Variants in GMPS observed in about 807,000 individuals in gnomAD.
The protein encoded by GMPS is GMP synthase [glutamine-hydrolyzing].
GMPS carries 15 observed loss-of-function variants against 77.9 expected under a neutral mutation model. The ratio of observed to expected loss-of-function variants is 0.19; its 90% CI spans 0.13 to 0.30. The LOEUF (loss-of-function observed/expected upper bound fraction) is 0.30, where lower values mean the gene tolerates loss of function less well. Ranked by LOEUF, GMPS falls within the 10% of genes least tolerant of loss-of-function variation. GMPS has a pLI of 1.00. For missense variants in GMPS, 590 were observed against 838.8 expected (o/e 0.70, Z 3.66); for synonymous variants, 224 against 275.9 (o/e 0.81, Z 1.86).
At chr3:155,910,264 AAAAC>A (rs369947150) in intron 5 of GMPS, among the ~76,000 whole-genome samples, 42 of 151,200 alleles carry the variant, frequency 2.8e-4, no homozygotes, top group African/African-American at 7.0e-4. Context: ...AACAAAACAA[AAAAC>A]AAACAAACAA....
intron 8 of GMPS, among the ~76,000 whole-genome samples, chr3:155,915,549 G>C (rs1755157901): frequency 6.6e-6 from 1 of 152,176 alleles, no homozygotes; most frequent in Non-Finnish European, 1.5e-5. Flanking sequence ...TTACAGGCGT[G>C]TGCCACCATG....
At chr3:155,887,977 A>G (rs1379632827) in intron 1 of GMPS, among the ~76,000 whole-genome samples, 1 of 152,210 alleles carries the variant, frequency 6.6e-6, no homozygotes, top group Admixed American at 6.5e-5. Context: ...TTTTTGATTT[A>G]ACATTTTAGT....
intron 3 of GMPS, among the ~76,000 whole-genome samples, chr3:155,899,593 A>G (rs1211372991): frequency 6.6e-6 from 1 of 152,196 alleles, no homozygotes; most frequent in Non-Finnish European, 1.5e-5. Context: ...ATAACTGATG[A>G]ACCTACATCA....
Position 155,890,449 on chromosome 3 carries a change from G to C in GMPS, c.28-3069G>C, listed in dbSNP as rs147241917. 8.7e-3 allele frequency among the ~76,000 whole-genome samples: 1,330 copies of C among 152,172 alleles called. 36 individuals carry two copies. The highest frequency in any genetic ancestry group is 0.05 in the Admixed American group (765 of 15,276). On this transcript the variant is annotated intron_variant, in intron 1 of 15. Transcript: ENST00000496455. ...TTTTGTTAAATCACTAAAAACTTTT[G>C]TCAATTACAAAAGTGTAGGGAAATA...
At chr3:155,929,180 A>G (rs974100530) in intron 12 of GMPS, among the ~76,000 whole-genome samples, 2 of 151,166 alleles carry the variant, frequency 1.3e-5, no homozygotes, top group African/African-American at 4.8e-5. Flanking sequence ...CTATTTCTCC[A>G]CATCCTCTCC....
intron 13 of GMPS, among the ~76,000 whole-genome samples, chr3:155,933,977 A>G (rs1002242071): frequency 3.3e-5 from 5 of 152,220 alleles, no homozygotes; most frequent in Admixed American, 2.6e-4. Flanking sequence ...ATAAAACACT[A>G]ATGAATCATT....
intron 1 of GMPS, among the ~76,000 whole-genome samples, chr3:155,872,160 T>A (rs1357354847): frequency 6.6e-6 from 1 of 152,226 alleles, no homozygotes; most frequent in Non-Finnish European, 1.5e-5. Context: ...ACATTCTTTT[T>A]AAAAGGTGCT....
intron 1 of GMPS, among the ~76,000 whole-genome samples, chr3:155,873,330 C>G (rs972241046): frequency 6.6e-6 from 1 of 151,990 alleles, no homozygotes; most frequent in African/African-American, 2.4e-5. Flanking sequence ...CTCTGTCACC[C>G]AAGCTGGAGT....
intron 2 of GMPS, 91 bp from the exon 3 acceptor site, chr3:155,897,836 G>T: frequency 2.9e-6 from 2 of 700,242 alleles, no homozygotes; most frequent in Non-Finnish European, 5.2e-6. Flanking sequence ...CTGGATCTGT[G>T]TTGTTTCCCT....
chr3:155,877,499 C>T lies in GMPS; in HGVS notation c.27+6602C>T, dbSNP rs553375324. ...AGTCAAAAAAACATTCTCATCCCTC[C>T]TCCCAAAAAAAAACCTCTACCCTTC... On this transcript the variant is annotated intron_variant, in intron 1 of 15. Coordinates refer to ENST00000496455, the MANE Select transcript of GMPS (RefSeq NM_003875.3). Among the ~76,000 whole-genome samples the T allele has an allele frequency of 2.6e-5, 4 of 152,130 alleles. 1 individual carries two copies. In the South Asian group the frequency reaches 6.2e-4, roughly 24 times the overall value.
intron 4 of GMPS, among the ~76,000 whole-genome samples, chr3:155,905,531 G>T (rs1349872568): frequency 5.9e-5 from 9 of 152,158 alleles, no homozygotes; most frequent in Admixed American, 3.9e-4. Context: ...AGGACTTTCA[G>T]ATAACAGAGT....
Position 155,938,601 on chromosome 3 carries a change from T to C in GMPS, c.*909T>C, listed in dbSNP as rs902431022. 2 of 203,248 alleles carry C rather than the reference T, an allele frequency of 9.8e-6. No individual in the cohort carries two copies. The highest frequency in any genetic ancestry group is 4.6e-5 in the African/African-American group (2 of 43,658). The allele number at this position is 203,248 out of a possible 1,614,324, so 12.6% of individuals were successfully genotyped here. ...GGTTCTGAGATCACAGAAGCTATGA[T>C]GCATACCTACAGCTTACAAAAGGGA... On this transcript the variant is annotated 3_prime_UTR_variant, in exon 16 of 16. Transcript: ENST00000496455.
rs571285937 is a variant in GMPS, at chr3:155,925,072, G to T, written c.1435-169G>T. Among the ~76,000 whole-genome samples, 1 of 152,282 alleles carries T rather than the reference G, an allele frequency of 6.6e-6. No individual in the cohort carries two copies. The highest frequency in any genetic ancestry group is 1.9e-4 in the East Asian group (1 of 5,192). The stretch of plus-strand genomic sequence containing the variant: ...ATCCTAAGACTTCTTCATAGTCCTA[G>T]CCCTCAGGTGTGAATTTCTGGCATA... On this transcript the variant is annotated intron_variant, in intron 11 of 15. Coordinates refer to ENST00000496455, the MANE Select transcript of GMPS (RefSeq NM_003875.3).
At chr3:155,904,209 T>A (rs1754808782) in intron 4 of GMPS, among the ~76,000 whole-genome samples, 1 of 152,320 alleles carries the variant, frequency 6.6e-6, no homozygotes, top group Admixed American at 6.5e-5. Context: ...GGAACCCTAC[T>A]TGGAATCGTA....
chr3:155,906,355 C>G, intron 5 of GMPS, 92 bp downstream of exon 5: 1 of 613,816 alleles, frequency 1.6e-6, no homozygotes. Flanking sequence ...TTTGATTTTT[C>G]CTTTTTCTTC....
chr3:155,893,042 G>C (rs1754512632), intron 1 of GMPS, among the ~76,000 whole-genome samples: 1 of 152,230 alleles, frequency 6.6e-6, no homozygotes. Context: ...TTATACTCTA[G>C]TGTCAAACTT....
intron 7 of GMPS, among the ~76,000 whole-genome samples, chr3:155,913,613 C>A (rs1342432840): frequency 1.3e-5 from 2 of 151,836 alleles, no homozygotes; most frequent in East Asian, 1.9e-4. Flanking sequence ...CCTCTGCCTC[C>A]CAGGTTTAAG....
At chr3:155,932,155 A>C (rs1293895247) in intron 13 of GMPS, among the ~76,000 whole-genome samples, 4 of 152,200 alleles carry the variant, frequency 2.6e-5, no homozygotes, top group African/African-American at 9.6e-5. Context: ...TAAAATATTA[A>C]AGGCAGCTGT....
intron 11 of GMPS, among the ~76,000 whole-genome samples, chr3:155,922,833 T>C (rs1335536685): frequency 6.6e-6 from 1 of 152,198 alleles, no homozygotes; most frequent in African/African-American, 2.4e-5. Context: ...ATTTGGGGTT[T>C]TAATTTATGT....
Sources: allele counts gnomAD v4.1 joint callset (sites outside exome capture counted in the v4.1 genomes callset), GRCh38; gene constraint gnomAD v4.1.1; transcripts MANE v1.5; gene names NCBI Gene and HGNC (gene_info 2026-07-23, HGNC 2026-07-21).